Variants in FUBP3 observed in about 807,000 individuals in gnomAD.
The protein encoded by FUBP3 is far upstream element-binding protein 3.
In FUBP3, 28 loss-of-function variants were observed where a neutral mutation model predicts 85.6. The observed-to-expected ratio is 0.33, with a 90% CI of 0.24 to 0.45. The LOEUF is 0.45. FUBP3 is among the 20% of genes least tolerant of loss of function. FUBP3 has a pLI of 1.00. For missense variants in FUBP3, 583 were observed against 755.1 expected, an observed-to-expected ratio of 0.77 and a Z score of 2.67; for synonymous variants, 271 against 271.4, an observed-to-expected ratio of 1.00 and a Z score of 0.01.
chr9:130,591,008 TG>T (rs1361879501), intron 1 of FUBP3, among the ~76,000 whole-genome samples: 14 of 89,512 alleles, frequency 1.6e-4, no homozygotes, highest in South Asian at 3.7e-4. Context: ...TGTTTTTGTT[TG>T]TTTTTGTTTT....
intron 3 of FUBP3, among the ~76,000 whole-genome samples, chr9:130,611,757 T>C (rs1298763189): frequency 6.6e-6 from 1 of 151,788 alleles, no homozygotes; most frequent in Non-Finnish European, 1.5e-5. Flanking sequence ...CAATACACTT[T>C]ATGGCAGATT....
intron 1 of FUBP3, chr9:130,581,432 G>A (rs1234281306): frequency 6.6e-6 from 1 of 152,296 alleles, no homozygotes; most frequent in Non-Finnish European, 1.5e-5. Context: ...GGCTGTAAGT[G>A]TGTTCCTTCT....
chr9:130,608,401 G>A (rs1235300912), intron 2 of FUBP3, among the ~76,000 whole-genome samples: 1 of 152,212 alleles, frequency 6.6e-6, no homozygotes, highest in Non-Finnish European at 1.5e-5. Context: ...CAGGTACTCT[G>A]TCGTTGACAT....
At chr9:130,621,852 C>T (rs1305628014) in intron 9 of FUBP3, among the ~76,000 whole-genome samples, 1 of 150,802 alleles carries the variant, frequency 6.6e-6, no homozygotes, top group Non-Finnish European at 1.5e-5. Flanking sequence ...TTGCAGTGAG[C>T]GTAGATGGTG....
intron 18 of FUBP3, among the ~76,000 whole-genome samples, chr9:130,636,733 G>A (rs1275316717): frequency 6.6e-6 from 1 of 152,208 alleles, no homozygotes. Flanking sequence ...TTACCTCCTG[G>A]CCCTGGACTC....
chr9:130,632,994 C>CT (rs1402587208), intron 16 of FUBP3, among the ~76,000 whole-genome samples: 1 of 152,260 alleles, frequency 6.6e-6, no homozygotes, highest in African/African-American at 2.4e-5. Context: ...TCTTCAGTGT[C>CT]TGCAGATTCC....
intron 11 of FUBP3, among the ~76,000 whole-genome samples, chr9:130,626,108 G>A (rs11789553): frequency 0.15 from 22,797 of 152,204 alleles, 1,824 homozygotes; most frequent in Admixed American, 0.21. Context: ...GTTTGTGTCT[G>A]CCTATTTCTG....
rs979763210 is a variant in FUBP3 at position 130,638,061 on chromosome 9, T to C, written c.*1039T>C. 1 of 152,652 alleles carries C rather than the reference T, an allele frequency of 6.6e-6. No homozygotes were observed. The highest frequency in any genetic ancestry group is 2.4e-5 in the African/African-American group (1 of 41,464). The allele number at this position is 152,652 out of a possible 1,614,324, so 9.5% of individuals were successfully genotyped here. ...TTCCAGTGTTTACTGTAGTGTATCTTGTACAGATAACATGTATTTTTAAAG... is the reference window on the plus strand; with the variant it reads ...TTCCAGTGTTTACTGTAGTGTATCTCGTACAGATAACATGTATTTTTAAAG... On this transcript the variant is annotated 3_prime_UTR_variant, in exon 19 of 19. Coordinates refer to ENST00000319725, the MANE Select transcript of FUBP3 (RefSeq NM_003934.2).
intron 16 of FUBP3, 107 bp from the exon 17 acceptor site, chr9:130,634,560 G>A: frequency 1.2e-6 from 1 of 831,496 alleles, no homozygotes; most frequent in Non-Finnish European, 1.9e-6. Flanking sequence ...GCCGTGTGTG[G>A]CCAGGAGCGA....
In FUBP3 at chr9:130,637,048, C is replaced by T; in HGVS notation, c.*26C>T. ...GACAGCGTCCTCGTGGCCAACTCTC[C>T]CCTCAAAATCATTGTCAAAGAAAAC... is the stretch of plus-strand genomic sequence containing the variant. On this transcript the variant is annotated 3_prime_UTR_variant, in exon 19 of 19. Transcript: ENST00000319725. 3 of 1,597,970 alleles carry T rather than the reference C, an allele frequency of 1.9e-6. No individual in the cohort carries two copies. Among genetic ancestry groups the T allele is most frequent in the South Asian group, 1.1e-5 (1 of 90,746 alleles).
chr9:130,630,917 C>T (rs1468776604), intron 13 of FUBP3, 129 bp downstream of exon 13: 2 of 714,952 alleles, frequency 2.8e-6, no homozygotes, highest in South Asian at 3.6e-5. Context: ...CGAGGGCAAG[C>T]CCCCTCCTGC....
In FUBP3 at chr9:130,579,645, GCGT is replaced by G; in HGVS notation, c.-33_-31del. On this transcript the variant is annotated 5_prime_UTR_variant, in exon 1 of 19. Coordinates refer to ENST00000319725, the MANE Select transcript of FUBP3 (RefSeq NM_003934.2). ...GGGGAGCCGAGCGGCGGCGTCGGCG[GCGT>G]CGGCGGCGGCGGCGACGGCGGCGGG... 3.3e-6 allele frequency: 4 copies of G among 1,204,672 alleles called. No individual in the cohort carries two copies. Among genetic ancestry groups the G allele is most frequent in the Non-Finnish European group, 4.2e-6 (4 of 960,616 alleles). 74.6% of individuals were successfully genotyped at this position (1,204,672 alleles called of 1,614,324 possible).
At chr9:130,585,114 T>G (rs1830285746) in intron 1 of FUBP3, among the ~76,000 whole-genome samples, 1 of 151,536 alleles carries the variant, frequency 6.6e-6, no homozygotes, top group African/African-American at 2.4e-5. Context: ...GAGTGGAGAT[T>G]GCATCATTGC....
intron 1 of FUBP3, among the ~76,000 whole-genome samples, chr9:130,587,798 C>A (rs1227522184): frequency 2.0e-5 from 3 of 152,152 alleles, no homozygotes; most frequent in African/African-American, 7.2e-5. Context: ...GAGACAGATC[C>A]AGTCCTCAGC....
chr9:130,595,531 C>A lies in FUBP3; in HGVS notation c.133C>A (p.Leu45Ile). The change falls in exon 2 of 19, where the codon CTA becomes ATA. Residue 45 changes from leucine to isoleucine, a missense_variant. Coordinates refer to ENST00000319725, the MANE Select transcript of FUBP3 (RefSeq NM_003934.2). Reference sequence around the variant, plus strand: ...TCCTCACTTGAATAATTCCACACCTCTAGTGGACCCCTCAGTATATGGATA... The same window carrying A: ...TCCTCACTTGAATAATTCCACACCTATAGTGGACCCCTCAGTATATGGATA... Reference protein sequence around the residue: ...SIPHLNNSTPLVDPSVYGYGV... With the variant: ...SIPHLNNSTPIVDPSVYGYGV... 6.3e-7 allele frequency: 1 copy of A among 1,594,624 alleles called. No homozygotes were observed. Among genetic ancestry groups the A allele is most frequent in the Non-Finnish European group, 8.6e-7 (1 of 1,162,192 alleles).
At chr9:130,626,188 T>G (rs1268565886) in intron 11 of FUBP3, 176 bp from the exon 12 acceptor site, 5 of 630,448 alleles carry the variant, frequency 7.9e-6, no homozygotes, top group Non-Finnish European at 1.4e-5. Context: ...GATACACCTG[T>G]GATCGGTGTT....
chr9:130,594,340 T>C (rs1290629188), intron 1 of FUBP3, among the ~76,000 whole-genome samples: 1 of 151,956 alleles, frequency 6.6e-6, no homozygotes, highest in Admixed American at 6.6e-5. Context: ...CCCAGCACTT[T>C]GGGAGGCCGA....
In FUBP3 at chr9:130,616,602, C is replaced by A; in HGVS notation, c.567+85C>A. 7.7e-7 allele frequency: 1 copy of A among 1,303,592 alleles called. No individual in the cohort carries two copies. The highest frequency in any genetic ancestry group is 1.1e-6 in the Non-Finnish European group (1 of 914,910). The allele number at this position is 1,303,592 out of a possible 1,614,324, so 80.8% of individuals were successfully genotyped here. On this transcript the variant is annotated intron_variant, in intron 7 of 18. Transcript: ENST00000319725. The surrounding 1 kb of genome is among the most constrained non-coding windows in gnomAD (Gnocchi z 4.7). ...GCCCAGGAGATCTGCTTACGGCTGG[C>A]ATTCCCTGGCTGGGCTGGCTTTGTG...
At chr9:130,594,861 T>G (rs925263434) in intron 1 of FUBP3, among the ~76,000 whole-genome samples, 2 of 141,532 alleles carry the variant, frequency 1.4e-5, no homozygotes, top group African/African-American at 5.3e-5. Flanking sequence ...TCTTCAATTG[T>G]TGGCTTGCTT....
Sources: gnomAD v4.1 joint callset for allele counts (sites outside exome capture counted in the v4.1 genomes callset) on GRCh38, gnomAD v4.1.1 for gene constraint, Gnocchi (gnomAD v3.1) non-coding constraint, MANE v1.5 for transcripts, NCBI Gene and HGNC (gene_info 2026-07-23, HGNC 2026-07-21) for gene names.